Variants in ACSF3 observed in about 807,000 individuals in gnomAD.
ACSF3 encodes acyl-CoA synthetase family member 3.
Under a neutral mutation model 53.2 loss-of-function variants are expected in ACSF3, and 78 were observed. The observed-to-expected ratio is 1.47, with a 90% CI of 1.22 to 1.77. ACSF3 has a LOEUF of 1.77. Ranked by LOEUF, ACSF3 falls within the 40% of genes most tolerant of loss-of-function variation. ACSF3 has a pLI of 0.00. For synonymous variants in ACSF3, 414 were observed against 333.1 expected, an observed-to-expected ratio of 1.24 and a Z score of -2.65; for missense variants, 937 against 771.1, an observed-to-expected ratio of 1.22 and a Z score of -2.55.
intron 7 of ACSF3, among the ~76,000 whole-genome samples, chr16:89,121,334 G>A (rs1906594340): frequency 6.6e-6 from 1 of 152,202 alleles, no homozygotes; most frequent in Admixed American, 6.5e-5. Flanking sequence ...CGTCCTGAGG[G>A]GACGCTGACC....
chr16:89,112,374 C>G (rs1471721385), intron 5 of ACSF3, 128 bp downstream of exon 5: 1 of 1,190,974 alleles, frequency 8.4e-7, no homozygotes, highest in African/African-American at 1.5e-5. Context: ...AATGTTCCCT[C>G]TCTCTCTACC....
chr16:89,104,150 T>C (rs959669101), intron 4 of ACSF3, among the ~76,000 whole-genome samples: 1 of 152,152 alleles, frequency 6.6e-6, no homozygotes. Flanking sequence ...GTCACAGGTG[T>C]GGTGAAGCAG....
At chr16:89,095,509 C>T (rs368775450) in intron 1 of ACSF3, among the ~76,000 whole-genome samples, 9 of 151,666 alleles carry the variant, frequency 5.9e-5, no homozygotes, top group South Asian at 2.1e-4. Context: ...CATCCTGCCC[C>T]GCAGGCCGAG....
intron 10 of ACSF3, chr16:89,149,115 A>G (rs1010331170): frequency 9.9e-5 from 15 of 152,164 alleles, no homozygotes; most frequent in African/African-American, 3.6e-4. Flanking sequence ...TCCAGTTCCC[A>G]ATAAGTTCCT....
chr16:89,141,079 G>GC (rs1291249731), intron 8 of ACSF3: 1 of 1,278,736 alleles, frequency 7.8e-7, no homozygotes, highest in South Asian at 1.2e-5. Context: ...ATCGCAAGTT[G>GC]CCCTGGAGCC....
In ACSF3 at chr16:89,112,162, C is replaced by A. The variant is rs1415829608; in HGVS notation, c.893C>A (p.Thr298Asn). 8.2e-7 allele frequency: 1 copy of A among 1,215,134 alleles called. No individual in the cohort carries two copies. The highest frequency in any genetic ancestry group is 1.9e-5 in the South Asian group (1 of 51,952). 75.3% of individuals were successfully genotyped at this position (1,215,134 alleles called of 1,614,324 possible). ...NVFMAVPTIY[T>N]KLMEYYDRHF... ...TTTATGGCAGTGCCTACAATATACACCAAGCTGATGGAGTACTACGACAGG... is the reference window on the plus strand; with the variant it reads ...TTTATGGCAGTGCCTACAATATACAACAAGCTGATGGAGTACTACGACAGG... The change falls in exon 5 of 11, where the codon ACC (threonine) becomes AAC (asparagine). Residue 298 changes from threonine to asparagine, a missense_variant. Physicochemically the swap from Thr to Asn is moderately conservative, Grantham distance 65 (BLOSUM62 0). Coordinates refer to ENST00000614302, the MANE Select transcript of ACSF3 (RefSeq NM_001243279.3).
rs1567680270 is a variant in ACSF3, at chr16:89,098,615, C to T, written c.-169C>T. The T allele has an allele frequency of 2.2e-6, 1 of 452,718 alleles. No individual in the cohort carries two copies. The highest frequency in any genetic ancestry group is 4.4e-6 in the Non-Finnish European group (1 of 225,504). 28.0% of individuals were successfully genotyped at this position (452,718 alleles called of 1,614,324 possible). On this transcript the variant is annotated 5_prime_UTR_variant, in exon 2 of 11. Coordinates refer to ENST00000614302, the MANE Select transcript of ACSF3 (RefSeq NM_001243279.3). ...GGTGTCCCACCGGCCTTCCGGGTTC[C>T]AGCGCCAGGCCTGGTGCCTGCCCCA...
At chr16:89,099,256 C>A (rs1974978451) in intron 2 of ACSF3, among the ~76,000 whole-genome samples, 1 of 152,232 alleles carries the variant, frequency 6.6e-6, no homozygotes, top group Non-Finnish European at 1.5e-5. Flanking sequence ...TTGGACCAGC[C>A]CTCACGCGTC....
rs547177552 is a variant in ACSF3 at position 89,129,095 on chromosome 16, G to A, written c.1240-4041G>A. On this transcript the variant is annotated intron_variant, in intron 7 of 10. Coordinates refer to ENST00000614302, the MANE Select transcript of ACSF3 (RefSeq NM_001243279.3). ...TGCAGTGAGCTGTGATGATGCCACC[G>A]CACTCCAGCCTGACAGAGCAAGAGT... Among the ~76,000 whole-genome samples the A allele has an allele frequency of 3.3e-5, 5 of 152,304 alleles. No individual in the cohort carries two copies. The East Asian group carries it at 5.8e-4, about 18-fold the overall frequency.
At chr16:89,100,629 G>A (rs755852664) in intron 2 of ACSF3, 33 bp from the exon 3 acceptor site, 1 of 1,029,842 alleles carries the variant, frequency 9.7e-7, no homozygotes, top group African/African-American at 1.6e-5. Flanking sequence ...GGGACAGTTG[G>A]GCACTCACGT....
intron 8 of ACSF3, among the ~76,000 whole-genome samples, chr16:89,144,145 G>C (rs922612255): frequency 6.6e-6 from 1 of 152,226 alleles, no homozygotes; most frequent in Non-Finnish European, 1.5e-5. Context: ...TCATGAGACA[G>C]CTTCGGGCTG....
intron 7 of ACSF3, among the ~76,000 whole-genome samples, chr16:89,130,198 T>C (rs542639197): frequency 1.3e-5 from 2 of 152,348 alleles, no homozygotes; most frequent in East Asian, 3.9e-4. Flanking sequence ...TCTAAGAATG[T>C]CTTTATCTTC....
intron 6 of ACSF3, among the ~76,000 whole-genome samples, chr16:89,116,040 A>G (rs1189215518): frequency 6.6e-6 from 1 of 152,158 alleles, no homozygotes; most frequent in Non-Finnish European, 1.5e-5. Flanking sequence ...TATCTAATAA[A>G]TCCTTGCGTA....
In ACSF3 at chr16:89,120,830, C is replaced by G. The variant is rs1423190298; in HGVS notation, c.1156C>G (p.Gln386Glu). The change falls in exon 7 of 11, where the codon CAG becomes GAG. Residue 386 changes from glutamine (Q) to glutamate (E), a missense_variant. Transcript: ENST00000614302. ...CGTGGGGACCCCACTGCCTGGAGTA[C>G]AGGTGCGCATTGTCTCAGAAAACCC... ...GSVGTPLPGV[Q>E]VRIVSENPQR... 6.2e-7 allele frequency: 1 copy of G among 1,614,124 alleles called. No individual in the cohort carries two copies. Among genetic ancestry groups the G allele is most frequent in the East Asian group, 2.2e-5 (1 of 44,880 alleles).
chr16:89,111,887 C>T (rs1976718118), intron 4 of ACSF3, among the ~76,000 whole-genome samples: 1 of 152,264 alleles, frequency 6.6e-6, no homozygotes, highest in Non-Finnish European at 1.5e-5. Context: ...CACGATTGCT[C>T]TTCCCCTCAC....
At chr16:89,109,556 C>T (rs575568917) in intron 4 of ACSF3, among the ~76,000 whole-genome samples, 13 of 151,806 alleles carry the variant, frequency 8.6e-5, no homozygotes, top group East Asian at 3.9e-4. Flanking sequence ...GGATTACAGG[C>T]GCACAGCTCC....
Position 89,093,972 on chromosome 16 carries a change from C to A in ACSF3, c.-218C>A, listed in dbSNP as rs985220145. On this transcript the variant is annotated 5_prime_UTR_variant, in exon 1 of 11. Transcript: ENST00000614302. ...AAGAGTTGTGGCGAGGCAGATCCTGCCCCGTGGCCGCGGCCGTCTCGTAGG... is the reference window on the plus strand; with the variant it reads ...AAGAGTTGTGGCGAGGCAGATCCTGACCCGTGGCCGCGGCCGTCTCGTAGG... 1.2e-5 allele frequency: 3 copies of A among 248,202 alleles called. No homozygotes were observed. Among genetic ancestry groups the A allele is most frequent in the Non-Finnish European group, 2.6e-5 (3 of 114,858 alleles). 15.4% of individuals were successfully genotyped at this position (248,202 alleles called of 1,614,324 possible). A position where few individuals can be genotyped will look rare whatever the true frequency, so the allele number is the denominator to read the frequency against.
chr16:89,098,913 A>G (rs768965227), intron 2 of ACSF3, 150 bp downstream of exon 2: 10 of 394,804 alleles, frequency 2.5e-5, no homozygotes, highest in Non-Finnish European at 3.1e-5. Flanking sequence ...TTGTCAAAAT[A>G]ATACTTGTTC....
At chr16:89,119,720 C>T (rs1906142441) in intron 6 of ACSF3, among the ~76,000 whole-genome samples, 1 of 152,284 alleles carries the variant, frequency 6.6e-6, no homozygotes, top group Admixed American at 6.5e-5. Context: ...GGTGACACTC[C>T]GCACACCACA....
Sources: allele counts gnomAD v4.1 joint callset (sites outside exome capture counted in the v4.1 genomes callset), GRCh38; gene constraint gnomAD v4.1.1; transcripts MANE v1.5; gene names NCBI Gene and HGNC (gene_info 2026-07-23, HGNC 2026-07-21).